LPA: variants seen among roughly 807,000 people sequenced by gnomAD.
LPA encodes lipoprotein(a), also known as apolipoprotein(a).
Under a neutral mutation model 197.9 loss-of-function variants are expected in LPA, and 199 were observed. The ratio of observed to expected loss-of-function variants is 1.01; its 90% CI spans 0.90 to 1.13. The LOEUF is 1.13. LPA is among the 50% of genes most tolerant of loss of function. The probability of loss-of-function intolerance (pLI) is 0.00; values close to 1 mark genes in which losing one functional copy is unlikely to be tolerated. For synonymous variants in LPA, 715 were observed against 639.5 expected (o/e 1.12, Z -1.78); for missense variants, 1,853 against 1,785.8 (o/e 1.04, Z -0.68).
chr6:160,611,136 C>T (rs999412923), intron 16 of LPA, among the ~76,000 whole-genome samples: 7 of 152,246 alleles, frequency 4.6e-5, no homozygotes, highest in Non-Finnish European at 8.8e-5. Context: ...ATCAATTCAC[C>T]TGTCCATAAG....
intron 37 of LPA, among the ~76,000 whole-genome samples, chr6:160,536,655 G>A (rs995818584): frequency 1.3e-5 from 2 of 152,112 alleles, no homozygotes; most frequent in African/African-American, 2.4e-5. Context: ...GTGGTTTGTA[G>A]CATTTAAATT....
At chr6:160,596,686 C>A (rs560283492) in intron 20 of LPA, among the ~76,000 whole-genome samples, 4 of 152,128 alleles carry the variant, frequency 2.6e-5, no homozygotes, top group Admixed American at 6.6e-5. Context: ...TTACTTTTCA[C>A]GTAGCAAAGT....
chr6:160,633,808 A>G lies in LPA; in HGVS notation c.1180T>C (p.Trp394Arg), dbSNP rs1207679206. The G allele has an allele frequency of 7.3e-7, 1 of 1,371,604 alleles. No homozygotes were observed. Among genetic ancestry groups the G allele is most frequent in the African/African-American group, 2.0e-5 (1 of 51,086 alleles). 85.0% of individuals were successfully genotyped at this position (1,371,604 alleles called of 1,614,324 possible). Residue 394 changes from tryptophan to arginine, a missense_variant, in exon 8 of 39, where the codon TGG becomes CGG. Coordinates refer to ENST00000316300, the MANE Select transcript of LPA (RefSeq NM_005577.4). Reference protein sequence around the residue: ...TTVTGRTCQAWSSMTPHSHSR... With the variant: ...TTVTGRTCQARSSMTPHSHSR... ...TGCGAGTGTGGTGTCATAGATGACC[A>G]AGCTTGGCAGGTTCTTCCAGTGACA...
At chr6:160,584,646 C>T (rs1778873163) in intron 26 of LPA, among the ~76,000 whole-genome samples, 1 of 151,996 alleles carries the variant, frequency 6.6e-6, no homozygotes, top group Non-Finnish European at 1.5e-5. Flanking sequence ...TTTGTTACTT[C>T]TGATTCGTGT....
At chr6:160,597,213 T>C (rs747505171) in intron 20 of LPA, among the ~76,000 whole-genome samples, 1 of 152,244 alleles carries the variant, frequency 6.6e-6, no homozygotes, top group Non-Finnish European at 1.5e-5. Flanking sequence ...TCTAATTTTC[T>C]GCATATTTGT....
At chr6:160,609,809 G>C (rs74655412) in intron 16 of LPA, among the ~76,000 whole-genome samples, 420 of 151,892 alleles carry the variant, frequency 2.8e-3, no homozygotes, top group African/African-American at 9.4e-3. Context: ...GTTTTTGCAT[G>C]TGTGTGTGTA....
intron 2 of LPA, among the ~76,000 whole-genome samples, chr6:160,648,307 A>G (rs900290445): frequency 1.3e-5 from 2 of 152,102 alleles, no homozygotes; most frequent in African/African-American, 2.4e-5. Flanking sequence ...TTGAACTGCT[A>G]TGTACCCAGT....
At chr6:160,548,120 G>A (rs139923613) in intron 31 of LPA, among the ~76,000 whole-genome samples, 183 bp from the exon 32 acceptor site, 6 of 152,276 alleles carry the variant, frequency 3.9e-5, no homozygotes, top group African/African-American at 1.4e-4. Context: ...GAAATTACTG[G>A]AAATGCTTAT....
At chr6:160,551,993 T>C (rs893231175) in intron 30 of LPA, among the ~76,000 whole-genome samples, 6 of 151,294 alleles carry the variant, frequency 4.0e-5, no homozygotes, top group African/African-American at 1.5e-4. Flanking sequence ...TGCTCACTCA[T>C]GGCTAGACCT....
At chr6:160,539,925 C>A in intron 36 of LPA, 118 bp downstream of exon 36, 2 of 1,401,884 alleles carry the variant, frequency 1.4e-6, no homozygotes, top group Non-Finnish European at 2.0e-6. Flanking sequence ...AGCCCTTGAG[C>A]CTTTCATGTG....
chr6:160,590,859 T>G (rs1562334587), intron 23 of LPA, 85 bp downstream of exon 23: 3 of 1,560,382 alleles, frequency 1.9e-6, no homozygotes, highest in Non-Finnish European at 2.6e-6. Flanking sequence ...CCGTGCAGCA[T>G]GGAAGGCTTC....
intron 7 of LPA, among the ~76,000 whole-genome samples, chr6:160,634,848 G>A (rs1451957325): frequency 1.1e-4 from 17 of 148,974 alleles, no homozygotes; most frequent in Non-Finnish European, 2.1e-4. Context: ...TTTTGGCTAA[G>A]ACACTGAGAT....
intron 7 of LPA, among the ~76,000 whole-genome samples, chr6:160,634,864 AT>A (rs1273008821): frequency 2.0e-5 from 3 of 150,228 alleles, no homozygotes; most frequent in Admixed American, 1.3e-4. Context: ...GAGATAGCCC[AT>A]TTTAGAAGGA....
intron 16 of LPA, 149 bp downstream of exon 16, chr6:160,611,413 T>G: frequency 6.8e-7 from 1 of 1,479,750 alleles, no homozygotes; most frequent in Non-Finnish European, 9.3e-7. Flanking sequence ...CTCAGACCCT[T>G]AGCTCCAAGG....
chr6:160,567,540 C>A (rs1194713166), intron 28 of LPA, among the ~76,000 whole-genome samples: 1 of 152,114 alleles, frequency 6.6e-6, no homozygotes, highest in African/African-American at 2.4e-5. Context: ...CAAGAGAAAG[C>A]AGGAAAGATC....
chr6:160,557,314 T>A, intron 29 of LPA, 76 bp downstream of exon 29: 1 of 1,532,998 alleles, frequency 6.5e-7, no homozygotes, highest in Non-Finnish European at 9.0e-7. Context: ...ATGGAAGGCT[T>A]CTGCATCAGT....
intron 30 of LPA, 121 bp downstream of exon 30, chr6:160,555,903 AT>A: frequency 9.5e-7 from 1 of 1,050,268 alleles, no homozygotes; most frequent in Admixed American, 1.7e-5. Context: ...TTGTCTGGAC[AT>A]TTTGACACAC....
At chr6:160,565,190 A>G (rs1406356081) in intron 28 of LPA, among the ~76,000 whole-genome samples, 1 of 152,164 alleles carries the variant, frequency 6.6e-6, no homozygotes, top group Non-Finnish European at 1.5e-5. Flanking sequence ...CTCCCAGCAG[A>G]GAGTTTGAGA....
chr6:160,596,363 C>G (rs1274652412), intron 20 of LPA, among the ~76,000 whole-genome samples: 7 of 151,222 alleles, frequency 4.6e-5, no homozygotes, highest in Non-Finnish European at 1.0e-4. Context: ...GGACTACTTC[C>G]TTCCATCTGC....
Sources: gnomAD v4.1 joint callset for allele counts (sites outside exome capture counted in the v4.1 genomes callset) on GRCh38, gnomAD v4.1.1 for gene constraint, MANE v1.5 for transcripts, NCBI Gene and HGNC (gene_info 2026-07-23, HGNC 2026-07-21) for gene names.